Variants in TSHR observed in about 807,000 individuals in gnomAD.
TSHR encodes thyrotropin receptor.
TSHR carries 51 observed loss-of-function variants against 64.1 expected under a neutral mutation model. That is an observed-to-expected ratio of 0.80 (90% confidence interval 0.64 to 1.01). The LOEUF is 1.01. Ranked by LOEUF, TSHR falls within the 50% of genes least tolerant of loss-of-function variation. The probability of loss-of-function intolerance (pLI) is 0.00; values close to 1 mark genes in which losing one functional copy is unlikely to be tolerated. For synonymous variants in TSHR, 361 were observed against 361.9 expected (o/e 1.00, Z 0.03); for missense variants, 877 against 942.8 (o/e 0.93, Z 0.91).
At chr14:80,990,976 T>C (rs772543945) in intron 1 of TSHR, among the ~76,000 whole-genome samples, 4 of 152,220 alleles carry the variant, frequency 2.6e-5, no homozygotes, top group African/African-American at 9.6e-5. Flanking sequence ...TTTTTAAATG[T>C]TTTGTGCAAG....
chr14:81,092,094 T>A (rs1436226642), intron 5 of TSHR, among the ~76,000 whole-genome samples: 1 of 152,266 alleles, frequency 6.6e-6, no homozygotes, highest in Non-Finnish European at 1.5e-5. Flanking sequence ...TCCAGGAGCC[T>A]GGCGAAGTTT....
chr14:81,113,558 A>G (rs1254576151), intron 8 of TSHR, among the ~76,000 whole-genome samples: 3 of 151,480 alleles, frequency 2.0e-5, no homozygotes, highest in Non-Finnish European at 2.9e-5. Context: ...TTTCCCCACC[A>G]ATGTGATTTC....
rs1339466628 is a variant in TSHR at position 81,108,450 on chromosome 14, G to A, written c.690G>A (p.Leu230=). 11 of 1,612,240 alleles carry A rather than the reference G, an allele frequency of 6.8e-6. No homozygotes were observed. Among genetic ancestry groups the A allele is most frequent in the Non-Finnish European group, 9.3e-6 (11 of 1,179,440 alleles). ...GAGGAGTATACAGTGGACCAAGCTT[G>A]CTGTGAGTAAGACATACAAAAGAAT... is the stretch of plus-strand genomic sequence containing the variant. ...AFGGVYSGPS[L]LDVSQTSVTA... The change falls in exon 8 of 10, where the codon TTG becomes TTA. Residue 230 remains leucine, a splice_region_variant and synonymous_variant. Transcript: ENST00000298171.
Position 81,144,464 on chromosome 14 carries a change from C to A in TSHR, c.*111C>A. On this transcript the variant is annotated 3_prime_UTR_variant, in exon 10 of 10. Coordinates refer to ENST00000298171, the MANE Select transcript of TSHR (RefSeq NM_000369.5). ...ACACATAGCTGCCCTCACTCTTGTG[C>A]AGGCGATGTTTCAATGTTTCATGGG... is the stretch of plus-strand genomic sequence containing the variant. 1 of 1,105,702 alleles carries A rather than the reference C, an allele frequency of 9.0e-7. No homozygotes were observed. Among genetic ancestry groups the A allele is most frequent in the Non-Finnish European group, 1.3e-6 (1 of 746,214 alleles). The allele number at this position is 1,105,702 out of a possible 1,614,324, so 68.5% of individuals were successfully genotyped here. A position where few individuals can be genotyped will look rare whatever the true frequency, so the allele number is the denominator to read the frequency against.
At chr14:81,104,024 A>G in intron 7 of TSHR, 1 of 985,480 alleles carries the variant, frequency 1.0e-6, no homozygotes, top group African/African-American at 1.7e-5. Context: ...ACACTGGGAA[A>G]AGACAATGAT....
chr14:80,991,344 T>G (rs1359558354), intron 1 of TSHR, among the ~76,000 whole-genome samples: 2 of 152,096 alleles, frequency 1.3e-5, no homozygotes, highest in African/African-American at 4.8e-5. Flanking sequence ...TGGACACCCT[T>G]CAAGAGCCTC....
intron 1 of TSHR, among the ~76,000 whole-genome samples, chr14:80,988,569 C>T (rs949811817): frequency 5.9e-5 from 9 of 152,172 alleles, no homozygotes; most frequent in African/African-American, 1.9e-4. Flanking sequence ...AACCATATCA[C>T]TTCCCCTTAG....
chr14:80,988,380 G>C (rs568806293), intron 1 of TSHR, among the ~76,000 whole-genome samples: 16 of 152,202 alleles, frequency 1.1e-4, no homozygotes, highest in African/African-American at 3.4e-4. Flanking sequence ...TGGAGGAAGG[G>C]GGTGGGGAAG....
chr14:81,095,979 G>T (rs529839885), intron 6 of TSHR, among the ~76,000 whole-genome samples: 106 of 151,166 alleles, frequency 7.0e-4, no homozygotes, highest in South Asian at 1.3e-3. Flanking sequence ...ACTCAAGGCT[G>T]CAGTGAGCCG....
intron 3 of TSHR, among the ~76,000 whole-genome samples, chr14:81,075,737 C>A (rs8018879): frequency 6.7e-6 from 1 of 148,842 alleles, no homozygotes; most frequent in Non-Finnish European, 1.5e-5. Flanking sequence ...GTCAGTGTGG[C>A]GATTCCTCAG....
intron 1 of TSHR, among the ~76,000 whole-genome samples, chr14:81,019,727 G>A (rs1437364791): frequency 6.6e-6 from 1 of 151,946 alleles, no homozygotes; most frequent in Non-Finnish European, 1.5e-5. Flanking sequence ...TTCTGTTCTG[G>A]TGTTAGTTTG....
chr14:81,076,313 T>C (rs1233304372), intron 3 of TSHR, among the ~76,000 whole-genome samples: 3 of 152,192 alleles, frequency 2.0e-5, no homozygotes, highest in Non-Finnish European at 4.4e-5. Flanking sequence ...GCTATAATTA[T>C]TGGGCTTTCA....
intron 1 of TSHR, among the ~76,000 whole-genome samples, chr14:81,010,713 T>A (rs1022332657): frequency 6.6e-6 from 1 of 152,220 alleles, no homozygotes; most frequent in Non-Finnish European, 1.5e-5. Flanking sequence ...AGTACAATGT[T>A]GAATAGCAAC....
intron 8 of TSHR, among the ~76,000 whole-genome samples, chr14:81,139,038 A>C (rs1891572817): frequency 6.6e-6 from 1 of 152,162 alleles, no homozygotes; most frequent in South Asian, 2.1e-4. Flanking sequence ...CATTGTTCTC[A>C]GAAGTGATTT....
At chr14:81,087,123 T>C (rs1888340430) in intron 3 of TSHR, among the ~76,000 whole-genome samples, 2 of 152,246 alleles carry the variant, frequency 1.3e-5, no homozygotes, top group African/African-American at 4.8e-5. Flanking sequence ...CATTCTAAGC[T>C]TTCTGACTGG....
At chr14:81,088,063 G>A (rs754727961) in intron 4 of TSHR, 35 bp downstream of exon 4, 9 of 1,505,938 alleles carry the variant, frequency 6.0e-6, no homozygotes, top group African/African-American at 1.4e-5. Context: ...CTACTTTTCT[G>A]GGGGGAGGGG....
chr14:81,048,895 T>C (rs755422560), intron 1 of TSHR, among the ~76,000 whole-genome samples: 10 of 152,314 alleles, frequency 6.6e-5, no homozygotes, highest in Admixed American at 1.3e-4. Context: ...CTTAAATGTA[T>C]ATATAGTTCA....
At position 81,142,902 on chromosome 14, in the gene TSHR, G is replaced by A. The variant is rs148344173; in HGVS notation, c.882-38G>A. The stretch of plus-strand genomic sequence containing the variant: ...TGGGATTACAGTCATGAGCCACTGC[G>A]CCCAGCCTGGCACTGACTCTTTTCT... On this transcript the variant is annotated intron_variant, in intron 9 of 9. Coordinates refer to ENST00000298171, the MANE Select transcript of TSHR (RefSeq NM_000369.5). 3,531 of 1,592,798 alleles carry A rather than the reference G, an allele frequency of 2.2e-3. 79 individuals carry two copies. In the African/African-American group the frequency reaches 0.042, roughly 19 times the overall value.
At chr14:81,108,477 T>G (rs1394333091) in intron 8 of TSHR, 25 bp downstream of exon 8, 2 of 1,601,044 alleles carry the variant, frequency 1.2e-6, no homozygotes, top group Non-Finnish European at 8.5e-7. Flanking sequence ...CAAAAGAATA[T>G]TTTAGTCTTT....
Sources: gnomAD v4.1 joint callset for allele counts (sites outside exome capture counted in the v4.1 genomes callset) on GRCh38, gnomAD v4.1.1 for gene constraint, MANE v1.5 for transcripts, NCBI Gene and HGNC (gene_info 2026-07-23, HGNC 2026-07-21) for gene names.